The following C19orf47 variants were observed in gnomAD, a reference collection of about 807,000 sequenced individuals.
C19orf47 encodes the protein chromosome 19 open reading frame 47.
In C19orf47, 18 loss-of-function variants were observed where a neutral mutation model predicts 32.3. That is an observed-to-expected ratio of 0.56 (90% CI 0.39 to 0.83). The LOEUF is 0.83. Ranked by LOEUF, C19orf47 falls within the 40% of genes least tolerant of loss-of-function variation. C19orf47 has a pLI of 0.00. For synonymous variants in C19orf47, 202 were observed against 211.1 expected (o/e 0.96, Z 0.37); for missense variants, 484 against 531.6 (o/e 0.91, Z 0.88).
At chr19:40,329,905 C>A (rs1053682859) in intron 5 of C19orf47, among the ~76,000 whole-genome samples, 1 of 152,212 alleles carries the variant, frequency 6.6e-6, no homozygotes, top group African/African-American at 2.4e-5. Context: ...CCTACCTGTC[C>A]TGCTGTACCC....
At chr19:40,318,049 G>A (rs1486101643), downstream of C19orf47, among the ~76,000 whole-genome samples, 2 of 151,920 alleles carry the variant, frequency 1.3e-5, no homozygotes, top group African/African-American at 4.8e-5. Flanking sequence ...CCTCCGCCTT[G>A]ACCCTTCTCC....
intron 2 of C19orf47, among the ~76,000 whole-genome samples, chr19:40,339,746 C>A (rs1282646146): frequency 6.6e-6 from 1 of 151,716 alleles, no homozygotes; most frequent in Non-Finnish European, 1.5e-5. Context: ...CCGAGATGGA[C>A]GGATCACCTG....
At chr19:40,295,600 T>A in the C19orf47 span, among the ~76,000 whole-genome samples, 1 of 151,726 alleles carries the variant, frequency 6.6e-6, no homozygotes, top group East Asian at 1.9e-4. Flanking sequence ...CATACCCGGA[T>A]AATTTTTGTA....
chr19:40,326,250 G>C, intron 7 of C19orf47, 84 bp downstream of exon 7: 1 of 1,555,096 alleles, frequency 6.4e-7, no homozygotes, highest in South Asian at 1.2e-5. Context: ...CTCAGCCACC[G>C]TCTGTAGGAT....
chr19:40,333,943 A>G lies in C19orf47; in HGVS notation c.223-14T>C. On this transcript the variant is annotated splice_polypyrimidine_tract_variant and intron_variant, in intron 4 of 8. Transcript: ENST00000683109. The stretch of plus-strand genomic sequence containing the variant: ...TTTGCACATGTCCTGTGAAAAAAGA[A>G]CAGGCACCTGGGTCACCACAGAAGA... 1 of 1,552,244 alleles carries G rather than the reference A, an allele frequency of 6.4e-7. No individual in the cohort carries two copies. Among genetic ancestry groups the G allele is most frequent in the Non-Finnish European group, 8.7e-7 (1 of 1,146,700 alleles).
At chr19:40,342,854 G>T (rs1391382653) in intron 1 of C19orf47, among the ~76,000 whole-genome samples, 2 of 152,146 alleles carry the variant, frequency 1.3e-5, no homozygotes, top group African/African-American at 2.4e-5. Context: ...TGGCTGCAGT[G>T]GAGCGAGCAG....
intron 4 of C19orf47, chr19:40,334,955 G>GGGAA: frequency 6.9e-6 from 1 of 144,944 alleles, no homozygotes; most frequent in Non-Finnish European, 1.5e-5. Flanking sequence ...GAAGGAAGGG[G>GGGAA]GGTAGGGAGG....
downstream of C19orf47, among the ~76,000 whole-genome samples, chr19:40,317,545 T>C (rs999765807): frequency 6.6e-6 from 1 of 151,004 alleles, no homozygotes; most frequent in Admixed American, 6.6e-5. Flanking sequence ...GTATAACGGG[T>C]GGGCCACTGT....
downstream of C19orf47, chr19:40,319,482 G>GATTCCCTCC (rs1343167926): frequency 6.6e-6 from 1 of 151,404 alleles, no homozygotes; most frequent in Non-Finnish European, 1.5e-5. Flanking sequence ...AAGGGCCCCA[G>GATTCCCTCC]ATTCCCTCCA....
chr19:40,315,712 G>A (rs556290045), downstream of C19orf47, among the ~76,000 whole-genome samples: 14 of 151,790 alleles, frequency 9.2e-5, 1 homozygote, highest in South Asian at 2.7e-3. Flanking sequence ...CCCGGCAGAC[G>A]CAGGCTACAG....
At chr19:40,344,281 C>T (rs1218693708) in intron 1 of C19orf47, among the ~76,000 whole-genome samples, 1 of 151,500 alleles carries the variant, frequency 6.6e-6, no homozygotes, top group Admixed American at 6.6e-5. Flanking sequence ...GAGTTTGAGA[C>T]CAGCCTGGCC....
At chr19:40,299,921 C>T in the C19orf47 span, among the ~76,000 whole-genome samples, 15 of 151,802 alleles carry the variant, frequency 9.9e-5, no homozygotes, top group East Asian at 2.1e-3. Context: ...CCCAGCTACT[C>T]GGGAGGCTGA....
intron 5 of C19orf47, 78 bp from the exon 6 acceptor site, chr19:40,328,628 T>A (rs1013732704): frequency 6.7e-7 from 1 of 1,502,980 alleles, no homozygotes; most frequent in Admixed American, 2.3e-5. Context: ...AGGGTCAGGA[T>A]GGAGAAGGTG....
chr19:40,324,532 C>T, intron 7 of C19orf47: 1 of 163,242 alleles, frequency 6.1e-6, no homozygotes, highest in Non-Finnish European at 1.4e-5. Context: ...AGAAGATCTA[C>T]CTGCATTAAT....
the C19orf47 span, among the ~76,000 whole-genome samples, chr19:40,307,722 C>T: frequency 2.0e-5 from 3 of 152,094 alleles, no homozygotes; most frequent in East Asian, 5.8e-4. Context: ...GCCTTTCACA[C>T]TAATCGACTC....
chr19:40,326,515 C>T, intron 6 of C19orf47, 29 bp from the exon 7 acceptor site: 2 of 1,603,948 alleles, frequency 1.2e-6, no homozygotes, highest in Non-Finnish European at 1.7e-6. Flanking sequence ...GGTATCAGCA[C>T]TCTCTGAGAC....
rs374702709 is a variant in C19orf47, at chr19:40,322,373, T to A, written c.667A>T (p.Thr223Ser). 1 of 1,576,566 alleles carries A rather than the reference T, an allele frequency of 6.3e-7. No individual in the cohort carries two copies. The highest frequency in any genetic ancestry group is 8.6e-7 in the Non-Finnish European group (1 of 1,158,484). The stretch of plus-strand genomic sequence containing the variant: ...GCCCCCAGGCGGCTGAAGACTCCTG[T>A]GGGCTGTGGAGGTCAGAGACAGGAT... Reference protein sequence around the residue: ...KADTTTGSKPTGVFSRLGATP... With the variant: ...KADTTTGSKPSGVFSRLGATP... Residue 223 changes from threonine to serine, a missense_variant, in exon 9 of 9, where the codon ACA (threonine) becomes TCA (serine). Around this residue, in one of 3 missense-constraint regions of C19orf47, gnomAD observed 376 missense variants for 370.2 expected, o/e 1.02. Transcript: ENST00000683109.
intron 1 of C19orf47, among the ~76,000 whole-genome samples, chr19:40,345,439 C>T (rs553079598): frequency 2.0e-5 from 3 of 151,806 alleles, no homozygotes; most frequent in South Asian, 4.2e-4. Context: ...TAACTCACAC[C>T]TGTAGTCCCA....
chr19:40,322,189 G>C lies in C19orf47; in HGVS notation c.851C>G (p.Ala284Gly). The stretch of plus-strand genomic sequence containing the variant: ...CAGTGTCGGGGCAGCAGCCGTTGTC[G>C]CTGAGCTTGTGGCCTTGGCTTTGAC... ...LTVKAKATSS[A>G]TTAAAPTLRR... The change falls in exon 9 of 9, where the codon GCG becomes GGG. Residue 284 changes from alanine (A) to glycine (G), a missense_variant. Around this residue, in one of 3 missense-constraint regions of C19orf47, gnomAD observed 376 missense variants for 370.2 expected, o/e 1.02. Transcript: ENST00000683109. The C allele has an allele frequency of 6.2e-7, 1 of 1,611,814 alleles. No individual in the cohort carries two copies. Among genetic ancestry groups the C allele is most frequent in the South Asian group, 1.1e-5 (1 of 91,084 alleles).
Sources: allele counts gnomAD v4.1 joint callset (sites outside exome capture counted in the v4.1 genomes callset), GRCh38; gene constraint gnomAD v4.1.1; regional missense constraint gnomAD v4.1.1; transcripts MANE v1.5; gene names NCBI Gene and HGNC (gene_info 2026-07-23, HGNC 2026-07-21).